Variants in ARHGAP5 observed in about 807,000 individuals in gnomAD.
ARHGAP5 encodes the protein Rho GTPase activating protein 5.
ARHGAP5 carries 23 observed loss-of-function variants against 116.6 expected under a neutral mutation model. The observed-to-expected ratio is 0.20, with a 90% CI of 0.14 to 0.28. The LOEUF (loss-of-function observed/expected upper bound fraction) is 0.28. ARHGAP5 is among the 10% of genes least tolerant of loss of function. The pLI is 1.00. For synonymous variants in ARHGAP5, 574 were observed against 602.0 expected (o/e 0.95, Z 0.68); for missense variants, 1,405 against 1,774.8 (o/e 0.79, Z 3.74).
intron 3 of ARHGAP5, among the ~76,000 whole-genome samples, chr14:32,133,183 G>A (rs146393447): frequency 0.035 from 5,361 of 152,164 alleles, 132 homozygotes; most frequent in Middle Eastern, 0.058. Flanking sequence ...GGGCAATATG[G>A]CCATTTTCAC....
chr14:32,153,018 A>G (rs1421015518), intron 6 of ARHGAP5, among the ~76,000 whole-genome samples: 1 of 149,772 alleles, frequency 6.7e-6, no homozygotes, highest in Non-Finnish European at 1.5e-5. Context: ...AATATTTTCT[A>G]CTGGCATTTT....
At chr14:32,143,245 A>G (rs200936051) in intron 3 of ARHGAP5, among the ~76,000 whole-genome samples, 3,963 of 107,618 alleles carry the variant, frequency 0.037, 55 homozygotes, top group Middle Eastern at 0.055. Flanking sequence ...TGTTGTTATT[A>G]TTATTATTAT....
At position 32,077,385 on chromosome 14, in the gene ARHGAP5, C is replaced by A. The variant is rs906330142; in HGVS notation, c.-219C>A. On this transcript the variant is annotated 5_prime_UTR_variant, in exon 1 of 7. Transcript: ENST00000345122. Reference sequence around the variant, plus strand: ...CCAGGAATGTCGCTGCCGCCGCCACCGCCGGGGCCGCTGCCGTTGAGGAGG... The same window carrying A: ...CCAGGAATGTCGCTGCCGCCGCCACAGCCGGGGCCGCTGCCGTTGAGGAGG... 19 of 700,934 alleles carry A rather than the reference C, an allele frequency of 2.7e-5. No homozygotes were observed. The highest frequency in any genetic ancestry group is 4.9e-5 in the Non-Finnish European group (19 of 384,796). 43.4% of individuals were successfully genotyped at this position (700,934 alleles called of 1,614,324 possible). A position where few individuals can be genotyped will look rare whatever the true frequency, so the allele number is the denominator to read the frequency against.
At chr14:32,128,047 A>G (rs12100768) in intron 3 of ARHGAP5, among the ~76,000 whole-genome samples, 5,385 of 126,978 alleles carry the variant, frequency 0.042, 324 homozygotes, top group African/African-American at 0.15. Flanking sequence ...CCTCCCAGAC[A>G]GTGCGGCCGG....
intron 4 of ARHGAP5, among the ~76,000 whole-genome samples, chr14:32,148,579 T>C (rs1038636248): frequency 2.0e-5 from 3 of 152,242 alleles, no homozygotes; most frequent in Non-Finnish European, 2.9e-5. Context: ...TAGCATCATA[T>C]CATTTTCATA....
At chr14:32,120,966 C>T (rs1879856042) in intron 3 of ARHGAP5, among the ~76,000 whole-genome samples, 2 of 146,988 alleles carry the variant, frequency 1.4e-5, no homozygotes, top group African/African-American at 5.0e-5. Context: ...GATTTTACAT[C>T]ATGTATTTTG....
At position 32,094,080 on chromosome 14, in the gene ARHGAP5, T is replaced by A; in HGVS notation, c.3411T>A (p.Phe1137Leu). Reference sequence around the variant, plus strand: ...CCCAAGGAGATGAAGAAAATGGGTTTTCTGATAGAACCTCAAAAAGTCATG... The same window carrying A: ...CCCAAGGAGATGAAGAAAATGGGTTATCTGATAGAACCTCAAAAAGTCATG... ...NNTQGDEENG[F>L]SDRTSKSHGE... The change falls in exon 2 of 7, where the codon TTT (phenylalanine) becomes TTA (leucine). Residue 1137 changes from phenylalanine to leucine, a missense_variant. Phe to Leu is a conservative substitution (Grantham distance 22, BLOSUM62 0). Around this residue, in one of 6 missense-constraint regions of ARHGAP5, gnomAD observed 944 missense variants for 1,095.3 expected, o/e 0.86. Coordinates refer to ENST00000345122, the MANE Select transcript of ARHGAP5 (RefSeq NM_001030055.2). 6.2e-7 allele frequency: 1 copy of A among 1,614,078 alleles called. No homozygotes were observed. Among genetic ancestry groups the A allele is most frequent in the East Asian group, 2.2e-5 (1 of 44,878 alleles).
chr14:32,108,105 A>C (rs1273467071), intron 2 of ARHGAP5, among the ~76,000 whole-genome samples: 1 of 152,218 alleles, frequency 6.6e-6, no homozygotes, highest in African/African-American at 2.4e-5. Flanking sequence ...TATTCATTTG[A>C]TAGTATCTGG....
rs561143854 is a variant in ARHGAP5, at chr14:32,089,962, A to AT, written c.-168-534dup. Among the ~76,000 whole-genome samples, 725 of 151,956 alleles carry AT rather than the reference A, an allele frequency of 4.8e-3. 11 individuals carry two copies. The highest frequency in any genetic ancestry group is 0.017 in the African/African-American group (709 of 41,492). On this transcript the variant is annotated intron_variant, in intron 1 of 6. Transcript: ENST00000345122. ...TTTGGGGGGGTATAACATTTGGTAG[A>AT]TTTTTTAAAAAAGACTTGAAATTTA...
At position 32,155,919 on chromosome 14, in the gene ARHGAP5, A is replaced by G. The variant is rs555921851; in HGVS notation, c.*971A>G. The G allele has an allele frequency of 9.8e-5, 15 of 152,674 alleles. No homozygotes were observed. The highest frequency in any genetic ancestry group is 3.1e-4 in the African/African-American group (13 of 41,566). The allele number at this position is 152,674 out of a possible 1,614,324, so 9.5% of individuals were successfully genotyped here. A position where few individuals can be genotyped will look rare whatever the true frequency, so the allele number is the denominator to read the frequency against. On this transcript the variant is annotated 3_prime_UTR_variant, in exon 7 of 7. Transcript: ENST00000345122. ...CCAAACATTTAAATCTAGGACTTCA[A>G]TTTAATTTGTTCCTTGAATCTATTT...
At chr14:32,134,820 C>T (rs1345670977) in intron 3 of ARHGAP5, among the ~76,000 whole-genome samples, 1 of 152,134 alleles carries the variant, frequency 6.6e-6, no homozygotes, top group Non-Finnish European at 1.5e-5. Context: ...TATAGCCATT[C>T]CGTTTACTGT....
intron 6 of ARHGAP5, among the ~76,000 whole-genome samples, chr14:32,153,618 G>A (rs1881759878): frequency 6.7e-6 from 1 of 149,680 alleles, no homozygotes; most frequent in East Asian, 2.0e-4. Context: ...GATTACAGAT[G>A]TACACCACCA....
chr14:32,152,538 T>A lies in ARHGAP5; in HGVS notation c.4181+10T>A, dbSNP rs761102346. The A allele has an allele frequency of 2.8e-5, 41 of 1,488,868 alleles. No homozygotes were observed. The East Asian group carries it at 3.2e-4, about 11-fold the overall frequency. The allele number at this position is 1,488,868 out of a possible 1,614,324, so 92.2% of individuals were successfully genotyped here. A position where few individuals can be genotyped will look rare whatever the true frequency, so the allele number is the denominator to read the frequency against. ...TAACACATCTAAACAGGTATTTTTA[T>A]TTTTTTAGGGTTTTTTGGCAAATAA... On this transcript the variant is annotated intron_variant, in intron 6 of 6. Transcript: ENST00000345122.
At chr14:32,126,998 C>CTT (rs772990418) in intron 3 of ARHGAP5, among the ~76,000 whole-genome samples, 4 of 134,502 alleles carry the variant, frequency 3.0e-5, no homozygotes, top group Non-Finnish European at 3.2e-5. Flanking sequence ...AATATGATAT[C>CTT]TTTTTTTTTT....
chr14:32,109,123 A>G (rs1041797414), intron 2 of ARHGAP5, among the ~76,000 whole-genome samples: 1 of 152,136 alleles, frequency 6.6e-6, no homozygotes, highest in Non-Finnish European at 1.5e-5. Flanking sequence ...ATACATATAT[A>G]TTACTTAACT....
At position 32,149,958 on chromosome 14, in the gene ARHGAP5, C is replaced by G. The variant is rs749158065; in HGVS notation, c.4000C>G (p.Leu1334Val). Reference sequence around the variant, plus strand: ...AACAGTAAATGCTGTAGCTGGAGCCCTTAAAGCTTTCTTTGCAGATCTGCC... The same window carrying G: ...AACAGTAAATGCTGTAGCTGGAGCCGTTAAAGCTTTCTTTGCAGATCTGCC... ...EVTVNAVAGA[L>V]KAFFADLPDP... The change falls in exon 5 of 7, where the codon CTT becomes GTT. Residue 1334 changes from leucine (L) to valine (V), a missense_variant. By Grantham distance (32) the Leu-to-Val change is conservative (BLOSUM62 1). Coordinates refer to ENST00000345122, the MANE Select transcript of ARHGAP5 (RefSeq NM_001030055.2). The G allele has an allele frequency of 6.2e-7, 1 of 1,605,812 alleles. No homozygotes were observed. The highest frequency in any genetic ancestry group is 1.3e-5 in the African/African-American group (1 of 74,534).
Position 32,093,654 on chromosome 14 carries a change from G to C in ARHGAP5, c.2985G>C (p.Gly995=). 2 of 1,613,798 alleles carry C rather than the reference G, an allele frequency of 1.2e-6. No homozygotes were observed. The highest frequency in any genetic ancestry group is 1.7e-6 in the Non-Finnish European group (2 of 1,179,878). Residue 995 remains glycine (G), a synonymous_variant, in exon 2 of 7, where the codon GGG becomes GGC. Transcript: ENST00000345122. ...TEAPPPYSPI[G]DDVQLLPTPS... ...CACCACCTCCTTATAGTCCAATTGGGGATGATGTACAGTTGCTTCCAACAC... is the reference window on the plus strand; with the variant it reads ...CACCACCTCCTTATAGTCCAATTGGCGATGATGTACAGTTGCTTCCAACAC...
In ARHGAP5 at chr14:32,152,500, T is replaced by A. The variant is rs772597727; in HGVS notation, c.4153T>A (p.Phe1385Ile). Residue 1385 changes from phenylalanine to isoleucine, a missense_variant, in exon 6 of 7, where the codon TTC (phenylalanine) becomes ATC (isoleucine). Physicochemically the swap from Phe to Ile is conservative, Grantham distance 21 (BLOSUM62 0). Around this residue, in one of 6 missense-constraint regions of ARHGAP5, gnomAD observed 176 missense variants for 221.2 expected, o/e 0.80. Transcript: ENST00000345122. ...KKFHPVNYDV[F>I]RYVITHLNRV... is the part of the protein sequence containing the mutation. Reference sequence around the variant, plus strand: ...ATTTCATCCTGTAAACTATGATGTATTCAGATACGTGATAACACATCTAAA... The same window carrying A: ...ATTTCATCCTGTAAACTATGATGTAATCAGATACGTGATAACACATCTAAA... 1 of 1,600,834 alleles carries A rather than the reference T, an allele frequency of 6.2e-7. No individual in the cohort carries two copies. The highest frequency in any genetic ancestry group is 8.5e-7 in the Non-Finnish European group (1 of 1,174,444).
intron 3 of ARHGAP5, among the ~76,000 whole-genome samples, chr14:32,142,604 T>G (rs1881177801): frequency 6.6e-6 from 1 of 152,306 alleles, no homozygotes; most frequent in African/African-American, 2.4e-5. Context: ...CCTTGTGCCT[T>G]CCCTTCAGAG....
Sources: gnomAD v4.1 joint callset for allele counts (sites outside exome capture counted in the v4.1 genomes callset) on GRCh38, gnomAD v4.1.1 for gene constraint, gnomAD v4.1.1 regional missense constraint, MANE v1.5 for transcripts, NCBI Gene and HGNC (gene_info 2026-07-23, HGNC 2026-07-21) for gene names.